GABRB2: variants seen among roughly 807,000 people sequenced by gnomAD.
GABRB2 encodes the protein gamma-aminobutyric acid type A receptor subunit beta2, also known as gamma-aminobutyric acid receptor subunit beta-2.
Under a neutral mutation model 54.7 loss-of-function variants are expected in GABRB2, and 16 were observed. The ratio of observed to expected loss-of-function variants is 0.29; its 90% CI spans 0.20 to 0.44. The LOEUF is 0.44. GABRB2 is among the 20% of genes least tolerant of loss of function. GABRB2 has a pLI of 1.00. For missense variants in GABRB2, 355 were observed against 644.0 expected, an observed-to-expected ratio of 0.55 and a Z score of 4.86; for synonymous variants, 244 against 233.8, an observed-to-expected ratio of 1.04 and a Z score of -0.40.
intron 5 of GABRB2, among the ~76,000 whole-genome samples, chr5:161,346,695 T>G (rs1754326626): frequency 6.6e-6 from 1 of 152,130 alleles, no homozygotes; most frequent in South Asian, 2.1e-4. Context: ...TAATATGTAC[T>G]GTTAGCGTGT....
intron 5 of GABRB2, among the ~76,000 whole-genome samples, chr5:161,380,097 A>G (rs1420584052): frequency 6.6e-6 from 1 of 152,162 alleles, no homozygotes; most frequent in Non-Finnish European, 1.5e-5. Flanking sequence ...TATAGAATCT[A>G]ATTCATTAAG....
intron 4 of GABRB2, among the ~76,000 whole-genome samples, chr5:161,440,114 A>G (rs867234802): frequency 1.3e-5 from 2 of 151,946 alleles, no homozygotes; most frequent in African/African-American, 4.8e-5. Context: ...AAAAATAAAA[A>G]GCAAGAAACT....
chr5:161,470,258 A>C (rs1299125856), intron 3 of GABRB2, among the ~76,000 whole-genome samples: 2 of 151,784 alleles, frequency 1.3e-5, no homozygotes, highest in African/African-American at 4.8e-5. Flanking sequence ...AGATGAGGGG[A>C]ATAATCTCCA....
chr5:161,376,093 TA>T (rs533887073), intron 5 of GABRB2, among the ~76,000 whole-genome samples: 1 of 152,120 alleles, frequency 6.6e-6, no homozygotes, highest in Non-Finnish European at 1.5e-5. Flanking sequence ...ATCTATTAAG[TA>T]AAAAAAATTT....
chr5:161,529,680 A>G (rs1760397430), intron 3 of GABRB2, among the ~76,000 whole-genome samples: 2 of 152,080 alleles, frequency 1.3e-5, no homozygotes, highest in African/African-American at 4.8e-5. Flanking sequence ...TAGTGTTACT[A>G]GTCGTAATCA....
intron 5 of GABRB2, among the ~76,000 whole-genome samples, chr5:161,348,590 G>A (rs577142053): frequency 1.3e-5 from 2 of 152,110 alleles, no homozygotes; most frequent in African/African-American, 2.4e-5. Flanking sequence ...AAACCCCCAA[G>A]TGTCTCTGGA....
intron 3 of GABRB2, among the ~76,000 whole-genome samples, chr5:161,490,774 G>C (rs1287529082): frequency 6.6e-6 from 1 of 151,716 alleles, no homozygotes. Flanking sequence ...GTGCCTCCTG[G>C]TGAACATTTT....
chr5:161,417,922 A>G (rs1177846916), intron 4 of GABRB2, among the ~76,000 whole-genome samples: 1 of 152,230 alleles, frequency 6.6e-6, no homozygotes, highest in African/African-American at 2.4e-5. Flanking sequence ...ATGCACTACT[A>G]CGCTCAACTT....
intron 5 of GABRB2, among the ~76,000 whole-genome samples, chr5:161,362,169 A>AT (rs778051881): frequency 5.3e-5 from 8 of 152,046 alleles, no homozygotes; most frequent in African/African-American, 1.2e-4. Flanking sequence ...TGCTGTTTTG[A>AT]TTGCTGTAGC....
intron 3 of GABRB2, among the ~76,000 whole-genome samples, chr5:161,464,049 T>C (rs1282815013): frequency 6.6e-6 from 1 of 151,988 alleles, no homozygotes; most frequent in African/African-American, 2.4e-5. Context: ...AAAGACTTCT[T>C]AGATACAAAC....
Position 161,294,132 on chromosome 5 carries a change from T to G in GABRB2, c.1488A>C (p.Pro496=). Reference sequence around the variant, plus strand: ...CGATGTTGAAGAAGGAAAAAACCACTGGGAAGAATATGCGGGACCACCGAT... The same window carrying G: ...CGATGTTGAAGAAGGAAAAAACCACGGGGAAGAATATGCGGGACCACCGAT... ...AIDRWSRIFF[P]VVFSFFNIVY... Residue 496 remains proline, a synonymous_variant, in exon 10 of 10, where the codon CCA becomes CCC. Coordinates refer to ENST00000393959, the MANE Select transcript of GABRB2 (RefSeq NM_001371727.1). The G allele has an allele frequency of 6.2e-7, 1 of 1,614,000 alleles. No individual in the cohort carries two copies. Among genetic ancestry groups the G allele is most frequent in the Non-Finnish European group, 8.5e-7 (1 of 1,179,914 alleles).
intron 5 of GABRB2, among the ~76,000 whole-genome samples, chr5:161,408,514 A>G (rs1397018936): frequency 2.6e-5 from 4 of 152,142 alleles, no homozygotes; most frequent in Non-Finnish European, 5.9e-5. Context: ...TGAATGAATG[A>G]ATGAACAATT....
At chr5:161,436,935 A>C (rs1280338797) in intron 4 of GABRB2, among the ~76,000 whole-genome samples, 1 of 152,138 alleles carries the variant, frequency 6.6e-6, no homozygotes, top group Non-Finnish European at 1.5e-5. Flanking sequence ...CAGAGAAAGC[A>C]TTTAAACCAG....
chr5:161,532,285 T>C (rs1760486644), intron 3 of GABRB2, among the ~76,000 whole-genome samples: 1 of 152,146 alleles, frequency 6.6e-6, no homozygotes. Context: ...TGTGTCTGTA[T>C]TACCCACTCA....
chr5:161,453,756 G>A (rs2113244798), intron 4 of GABRB2, among the ~76,000 whole-genome samples: 1 of 152,178 alleles, frequency 6.6e-6, no homozygotes, highest in Admixed American at 6.5e-5. Context: ...GAAGCACTTG[G>A]CCTAGCATAG....
At chr5:161,446,209 A>G (rs959712638) in intron 4 of GABRB2, among the ~76,000 whole-genome samples, 11 of 152,172 alleles carry the variant, frequency 7.2e-5, no homozygotes, top group African/African-American at 2.2e-4. Flanking sequence ...TAGCTTATTC[A>G]CTACTGTACC....
intron 4 of GABRB2, among the ~76,000 whole-genome samples, chr5:161,438,801 C>T (rs1168187237): frequency 6.6e-6 from 1 of 151,704 alleles, no homozygotes; most frequent in East Asian, 1.9e-4. Context: ...ATGGATCAAG[C>T]AGAAGAAGAA....
At chr5:161,543,114 T>C (rs1760869998) in intron 3 of GABRB2, among the ~76,000 whole-genome samples, 3 of 152,238 alleles carry the variant, frequency 2.0e-5, no homozygotes, top group Admixed American at 6.5e-5. Context: ...TTTTCAACAC[T>C]TGGTTCTAAT....
At position 161,306,453 on chromosome 5, in the gene GABRB2, TG is replaced by T. The variant is rs553756727; in HGVS notation, c.1192-12026del. On this transcript the variant is annotated intron_variant, in intron 9 of 9. Transcript: ENST00000393959. ...ATATATTCCTACTCCTACCTCCTCT[TG>T]TTTTTTATTTATTTGTCCAAGAAGC... Among the ~76,000 whole-genome samples, 8 of 152,340 alleles carry T rather than the reference TG, an allele frequency of 5.3e-5. No individual in the cohort carries two copies. The South Asian group carries it at 1.7e-3, about 32-fold the overall frequency.
Sources: allele counts gnomAD v4.1 joint callset (sites outside exome capture counted in the v4.1 genomes callset), GRCh38; gene constraint gnomAD v4.1.1; transcripts MANE v1.5; gene names NCBI Gene and HGNC (gene_info 2026-07-23, HGNC 2026-07-21).